CCNY: variants seen among roughly 807,000 people sequenced by gnomAD.
CCNY encodes the protein cyclin-Y.
Under a neutral mutation model 42.8 loss-of-function variants are expected in CCNY, and 19 were observed. The observed-to-expected ratio is 0.44, with a 90% CI of 0.31 to 0.65. CCNY has a LOEUF of 0.65. Among genes scored for constraint, CCNY ranks in the 30% least tolerant of loss-of-function variants. The pLI is 0.07. For synonymous variants in CCNY, 165 were observed against 162.7 expected, an observed-to-expected ratio of 1.01 and a Z score of -0.11; for missense variants, 370 against 437.3, an observed-to-expected ratio of 0.85 and a Z score of 1.37.
At chr10:35,480,705 C>G (rs1035270063) in intron 1 of CCNY, among the ~76,000 whole-genome samples, 1 of 152,306 alleles carries the variant, frequency 6.6e-6, no homozygotes, top group Middle Eastern at 3.4e-3. Context: ...TGACTCATAC[C>G]TGTAATCCCC....
At chr10:35,524,433 G>A (rs1840608252) in intron 4 of CCNY, among the ~76,000 whole-genome samples, 1 of 152,204 alleles carries the variant, frequency 6.6e-6, no homozygotes, top group Non-Finnish European at 1.5e-5. Flanking sequence ...ATATAAGAGA[G>A]TGAGATTAGC....
At chr10:35,408,623 A>G (rs1375682143) in intron 1 of CCNY, among the ~76,000 whole-genome samples, 2 of 152,158 alleles carry the variant, frequency 1.3e-5, no homozygotes, top group South Asian at 4.1e-4. Flanking sequence ...ACAAATCACA[A>G]TGGTAGAATA....
intron 1 of CCNY, among the ~76,000 whole-genome samples, chr10:35,403,054 G>A (rs552425412): frequency 7.3e-5 from 11 of 151,632 alleles, no homozygotes; most frequent in South Asian, 2.1e-4. Flanking sequence ...TCCTGACTCC[G>A]GGCATGTGGG....
chr10:35,554,084 C>G (rs1170635947), intron 8 of CCNY, among the ~76,000 whole-genome samples: 1 of 152,288 alleles, frequency 6.6e-6, no homozygotes, highest in East Asian at 1.9e-4. Context: ...GTTACCAGCT[C>G]TGTCTCAGTC....
intron 1 of CCNY, among the ~76,000 whole-genome samples, chr10:35,401,962 G>A (rs1424722992): frequency 6.6e-6 from 1 of 152,196 alleles, no homozygotes; most frequent in Non-Finnish European, 1.5e-5. Flanking sequence ...CCATCTGGAT[G>A]TATATGTGCA....
intron 2 of CCNY, among the ~76,000 whole-genome samples, chr10:35,493,577 A>G (rs1839946075): frequency 6.6e-6 from 1 of 152,208 alleles, no homozygotes; most frequent in Admixed American, 6.5e-5. Context: ...TGATGCAGTC[A>G]CCATGTAAGA....
intron 8 of CCNY, among the ~76,000 whole-genome samples, chr10:35,559,353 A>T (rs1045579409): frequency 1.3e-5 from 2 of 152,262 alleles, no homozygotes; most frequent in African/African-American, 4.8e-5. Context: ...TTCCATGCAC[A>T]GTGTGGAAGT....
chr10:35,431,769 C>T (rs1297405021), intron 1 of CCNY, among the ~76,000 whole-genome samples: 2 of 152,010 alleles, frequency 1.3e-5, no homozygotes, highest in Admixed American at 6.6e-5. Context: ...TCATAGGCTA[C>T]GTTAGACCTC....
chr10:35,373,898 A>G (rs899528442), intron 1 of CCNY, among the ~76,000 whole-genome samples: 1 of 150,292 alleles, frequency 6.7e-6, no homozygotes. Flanking sequence ...CTAACCCCTG[A>G]GTTGTTCAAA....
At chr10:35,550,450 C>T (rs1044117857) in intron 7 of CCNY, among the ~76,000 whole-genome samples, 5 of 152,026 alleles carry the variant, frequency 3.3e-5, no homozygotes, top group Non-Finnish European at 7.4e-5. Flanking sequence ...GATTGTTCTC[C>T]GTCCCCCTCT....
intron 3 of CCNY, among the ~76,000 whole-genome samples, chr10:35,265,617 C>T (rs1244015603): frequency 1.3e-5 from 2 of 152,364 alleles, no homozygotes; most frequent in African/African-American, 2.4e-5. Context: ...CCACGCCAAG[C>T]GCCTGAAGGT....
intron 3 of CCNY, chr10:35,314,465 C>T (rs912179592): frequency 6.6e-6 from 1 of 151,840 alleles, no homozygotes; most frequent in Non-Finnish European, 1.5e-5. Flanking sequence ...CCCACAGGGT[C>T]CCAGCCACAA....
intron 1 of CCNY, among the ~76,000 whole-genome samples, chr10:35,440,586 A>G (rs941768749): frequency 6.6e-6 from 1 of 152,140 alleles, no homozygotes; most frequent in Non-Finnish European, 1.5e-5. Flanking sequence ...AATAAGCTTC[A>G]AGTTTTCTTC....
At chr10:35,360,994 G>T (rs939369112) in intron 1 of CCNY, among the ~76,000 whole-genome samples, 8 of 152,114 alleles carry the variant, frequency 5.3e-5, no homozygotes, top group Non-Finnish European at 2.9e-5. Flanking sequence ...ATGAGTAGCT[G>T]AGATTACAGA....
intron 3 of CCNY, among the ~76,000 whole-genome samples, chr10:35,265,372 T>C (rs1221501921): frequency 6.6e-6 from 1 of 152,232 alleles, no homozygotes; most frequent in African/African-American, 2.4e-5. Context: ...ATTAGTGTTC[T>C]TTTTAACTTG....
At chr10:35,500,792 G>T (rs1840095714) in intron 2 of CCNY, among the ~76,000 whole-genome samples, 1 of 152,202 alleles carries the variant, frequency 6.6e-6, no homozygotes, top group Non-Finnish European at 1.5e-5. Context: ...AGAAACACTG[G>T]TATCTGGGGA....
chr10:35,499,295 C>T (rs1000292109), intron 2 of CCNY, among the ~76,000 whole-genome samples: 5 of 152,206 alleles, frequency 3.3e-5, no homozygotes, highest in Middle Eastern at 3.4e-3. Flanking sequence ...TCTCACATCG[C>T]GGCAGAGAAG....
chr10:35,331,039 G>A (rs1160465641), intron 3 of CCNY, among the ~76,000 whole-genome samples: 10 of 152,202 alleles, frequency 6.6e-5, no homozygotes, highest in East Asian at 1.9e-4. Context: ...GATTACAGGC[G>A]TGAGCCACTG....
At chr10:35,411,369 C>G (rs1486321497) in intron 1 of CCNY, among the ~76,000 whole-genome samples, 1 of 151,948 alleles carries the variant, frequency 6.6e-6, no homozygotes, top group Non-Finnish European at 1.5e-5. Flanking sequence ...AAAAATTAGC[C>G]AGGCATAGTG....
Sources: allele counts gnomAD v4.1 joint callset (sites outside exome capture counted in the v4.1 genomes callset), GRCh38; gene constraint gnomAD v4.1.1; transcripts MANE v1.5; gene names NCBI Gene and HGNC (gene_info 2026-07-23, HGNC 2026-07-21).